The following L3MBTL4 variants were observed in gnomAD, a reference collection of about 807,000 sequenced individuals.
L3MBTL4 encodes L3MBTL histone methyl-lysine binding protein 4.
L3MBTL4 carries 70 observed loss-of-function variants against 84.5 expected under a neutral mutation model. The ratio of observed to expected loss-of-function variants is 0.83; its 90% CI spans 0.68 to 1.01. L3MBTL4 has a LOEUF of 1.01. Among genes scored for constraint, L3MBTL4 ranks in the 50% least tolerant of loss-of-function variants. The pLI is 0.00. For synonymous variants in L3MBTL4, 274 were observed against 259.8 expected (o/e 1.05, Z -0.52); for missense variants, 715 against 754.8 (o/e 0.95, Z 0.62).
chr18:5,987,453 G>A (rs1402713824), intron 16 of L3MBTL4, among the ~76,000 whole-genome samples: 1 of 152,218 alleles, frequency 6.6e-6, no homozygotes, highest in Non-Finnish European at 1.5e-5. Context: ...GGCCACGTGT[G>A]GATGCACTCA....
chr18:6,010,804 C>T (rs776169013), intron 16 of L3MBTL4, among the ~76,000 whole-genome samples: 1 of 152,068 alleles, frequency 6.6e-6, no homozygotes, highest in African/African-American at 2.4e-5. Context: ...ATAGGATCTT[C>T]CCTGTGGGTT....
At chr18:6,025,277 T>G (rs1240759452) in intron 16 of L3MBTL4, 6 of 152,164 alleles carry the variant, frequency 3.9e-5, no homozygotes, top group African/African-American at 1.4e-4. Flanking sequence ...AAAGACACTA[T>G]CTTTTTGGTT....
intron 16 of L3MBTL4, among the ~76,000 whole-genome samples, chr18:6,039,129 G>C (rs561053520): frequency 5.6e-4 from 85 of 152,018 alleles, no homozygotes; most frequent in African/African-American, 2.0e-3. Context: ...CAAGCCAAGA[G>C]AAGAGGCCCC....
intron 16 of L3MBTL4, among the ~76,000 whole-genome samples, chr18:6,039,884 G>A (rs776430718): frequency 2.0e-5 from 3 of 152,134 alleles, no homozygotes; most frequent in Non-Finnish European, 4.4e-5. Flanking sequence ...AAAATTAGAC[G>A]ATGAAACAAA....
At chr18:6,246,820 C>T (rs1362290230) in intron 5 of L3MBTL4, among the ~76,000 whole-genome samples, 1 of 152,120 alleles carries the variant, frequency 6.6e-6, no homozygotes, top group Non-Finnish European at 1.5e-5. Flanking sequence ...AGGAGAATCG[C>T]TTGAACCCAA....
At position 6,311,544 on chromosome 18, in the gene L3MBTL4, G is replaced by A. The variant is rs768430086; in HGVS notation, c.72+10C>T. 6.2e-6 allele frequency: 10 copies of A among 1,610,574 alleles called. No homozygotes were observed. The African/African-American group carries it at 6.7e-5, about 11-fold the overall frequency. ...CACTGTGAGGAAGGGTCCAGGGATG[G>A]ACATCTTACCAAGCGTCCGTCCTGA... On this transcript the variant is annotated intron_variant, in intron 3 of 18. Coordinates refer to ENST00000317931, the MANE Select transcript of L3MBTL4 (RefSeq NM_001330559.2).
chr18:6,015,037 C>T (rs556567049), intron 16 of L3MBTL4, among the ~76,000 whole-genome samples: 71 of 151,598 alleles, frequency 4.7e-4, no homozygotes, highest in Non-Finnish European at 8.2e-4. Flanking sequence ...GGGAGGTTTG[C>T]GGGGAGGAAA....
intron 14 of L3MBTL4, among the ~76,000 whole-genome samples, chr18:6,109,850 A>G (rs1382254045): frequency 6.6e-6 from 1 of 152,026 alleles, no homozygotes; most frequent in African/African-American, 2.4e-5. Context: ...TTTTTCTAAT[A>G]TTTCCTTTTT....
intron 12 of L3MBTL4, among the ~76,000 whole-genome samples, chr18:6,192,512 T>C (rs553061661): frequency 2.0e-5 from 3 of 151,580 alleles, no homozygotes; most frequent in Non-Finnish European, 4.4e-5. Context: ...AGTCCTAGAG[T>C]TCCATTCTGA....
At chr18:6,254,186 T>C (rs2048040380) in intron 5 of L3MBTL4, among the ~76,000 whole-genome samples, 1 of 152,096 alleles carries the variant, frequency 6.6e-6, no homozygotes, top group Non-Finnish European at 1.5e-5. Flanking sequence ...ATATTATCAA[T>C]AGCTTTCATT....
At chr18:6,266,700 A>G (rs2576285) in intron 4 of L3MBTL4, among the ~76,000 whole-genome samples, 18,783 of 152,158 alleles carry the variant, frequency 0.12, 3,791 homozygotes, top group African/African-American at 0.42. Context: ...GAGGCAGGTG[A>G]ATCACCGGAG....
intron 1 of L3MBTL4, among the ~76,000 whole-genome samples, chr18:6,346,261 G>T (rs1385318767): frequency 6.6e-6 from 1 of 151,660 alleles, no homozygotes; most frequent in African/African-American, 2.4e-5. Context: ...AGGGAAAAGT[G>T]TCTTCACATT....
At chr18:6,132,213 A>G (rs184230646) in intron 14 of L3MBTL4, among the ~76,000 whole-genome samples, 113 of 152,300 alleles carry the variant, frequency 7.4e-4, no homozygotes, top group African/African-American at 2.5e-3. Flanking sequence ...ATAAGTTAAA[A>G]TGTATTTACC....
At chr18:6,378,332 A>T (rs560673957) in intron 1 of L3MBTL4, among the ~76,000 whole-genome samples, 4 of 152,218 alleles carry the variant, frequency 2.6e-5, no homozygotes, top group African/African-American at 9.6e-5. Flanking sequence ...ATTAGATCCC[A>T]TTTGTCAATT....
chr18:5,978,587 C>A (rs550581134), intron 16 of L3MBTL4, among the ~76,000 whole-genome samples: 1 of 152,150 alleles, frequency 6.6e-6, no homozygotes. Flanking sequence ...TCCTCCTGCC[C>A]GGTCACTTCC....
At chr18:6,321,278 C>A (rs2051389072) in intron 1 of L3MBTL4, among the ~76,000 whole-genome samples, 1 of 152,104 alleles carries the variant, frequency 6.6e-6, no homozygotes, top group African/African-American at 2.4e-5. Flanking sequence ...GCATAATCAT[C>A]AGAATAAACA....
intron 16 of L3MBTL4, among the ~76,000 whole-genome samples, chr18:6,039,716 A>G (rs1451882096): frequency 6.6e-6 from 1 of 152,232 alleles, no homozygotes; most frequent in Admixed American, 6.5e-5. Context: ...AAGTCCCTTC[A>G]TGCTGGGTAA....
intron 1 of L3MBTL4, among the ~76,000 whole-genome samples, chr18:6,372,686 C>CA (rs2054204174): frequency 1.3e-5 from 2 of 152,176 alleles, no homozygotes; most frequent in African/African-American, 4.8e-5. Flanking sequence ...TCCAAAGTGT[C>CA]CTCACCTGTA....
intron 16 of L3MBTL4, among the ~76,000 whole-genome samples, chr18:6,068,417 TA>T (rs1465634405): frequency 6.6e-6 from 1 of 152,130 alleles, no homozygotes; most frequent in Non-Finnish European, 1.5e-5. Flanking sequence ...GCTGAGGTTT[TA>T]TCAGAGTGAA....
Sources: gnomAD v4.1 joint callset for allele counts (sites outside exome capture counted in the v4.1 genomes callset) on GRCh38, gnomAD v4.1.1 for gene constraint, MANE v1.5 for transcripts, NCBI Gene and HGNC (gene_info 2026-07-23, HGNC 2026-07-21) for gene names.